ZNF804B: variants seen among roughly 807,000 people sequenced by gnomAD.
ZNF804B encodes the protein zinc finger protein 804B.
Under a neutral mutation model 101.4 loss-of-function variants are expected in ZNF804B, and 80 were observed. That is an observed-to-expected ratio of 0.79 (90% CI 0.66 to 0.95). ZNF804B has a LOEUF of 0.95. Among genes scored for constraint, ZNF804B ranks in the 40% least tolerant of loss-of-function variants. ZNF804B has a pLI of 0.00. For synonymous variants in ZNF804B, 622 were observed against 558.8 expected, an observed-to-expected ratio of 1.11 and a Z score of -1.59; for missense variants, 1,673 against 1,561.9, an observed-to-expected ratio of 1.07 and a Z score of -1.20.
chr7:89,170,867 G>T (rs1791213404), intron 1 of ZNF804B, among the ~76,000 whole-genome samples: 1 of 152,066 alleles, frequency 6.6e-6, no homozygotes, highest in South Asian at 2.1e-4. Context: ...TTCGCAGATG[G>T]GTTTCCTCTG....
At chr7:89,135,461 G>A (rs1249881357) in intron 1 of ZNF804B, among the ~76,000 whole-genome samples, 3 of 151,990 alleles carry the variant, frequency 2.0e-5, no homozygotes, top group African/African-American at 7.2e-5. Flanking sequence ...AAGATTTCAT[G>A]TGATTTATCA....
chr7:88,967,274 A>G (rs1793469553), intron 1 of ZNF804B, among the ~76,000 whole-genome samples: 1 of 151,532 alleles, frequency 6.6e-6, no homozygotes. Context: ...CAGAAAGGTG[A>G]AGGGAAGCAA....
chr7:89,131,914 A>G (rs1297212102), intron 1 of ZNF804B, among the ~76,000 whole-genome samples: 1 of 151,974 alleles, frequency 6.6e-6, no homozygotes, highest in Non-Finnish European at 1.5e-5. Flanking sequence ...TTAAAACCTA[A>G]TTGGATAATT....
chr7:88,933,117 C>T (rs1350077966), intron 1 of ZNF804B, among the ~76,000 whole-genome samples: 2 of 151,632 alleles, frequency 1.3e-5, no homozygotes, highest in African/African-American at 2.4e-5. Context: ...GGGTTTTATA[C>T]CAGGGATGCA....
chr7:89,192,696 CA>C (rs1285147033), intron 1 of ZNF804B, among the ~76,000 whole-genome samples: 1 of 151,700 alleles, frequency 6.6e-6, no homozygotes, highest in African/African-American at 2.4e-5. Flanking sequence ...AGGGACACAA[CA>C]AAAAAAGAAA....
intron 1 of ZNF804B, among the ~76,000 whole-genome samples, chr7:88,933,515 GAT>G (rs1355719504): frequency 1.3e-5 from 2 of 151,878 alleles, no homozygotes; most frequent in Admixed American, 1.3e-4. Flanking sequence ...AATCACCAAT[GAT>G]ATGATTGTAT....
At chr7:88,943,845 A>C (rs1434882034) in intron 1 of ZNF804B, among the ~76,000 whole-genome samples, 1 of 151,874 alleles carries the variant, frequency 6.6e-6, no homozygotes, top group Non-Finnish European at 1.5e-5. Context: ...TTTTCTTTTA[A>C]AAGAAAATTT....
At chr7:88,762,783 A>T (rs1429544196) in intron 1 of ZNF804B, among the ~76,000 whole-genome samples, 1 of 151,960 alleles carries the variant, frequency 6.6e-6, no homozygotes, top group Non-Finnish European at 1.5e-5. Context: ...CCACTCACTG[A>T]AACTCAGTTT....
chr7:88,939,222 A>C (rs1349473067), intron 1 of ZNF804B, among the ~76,000 whole-genome samples: 1 of 152,060 alleles, frequency 6.6e-6, no homozygotes, highest in Admixed American at 6.6e-5. Flanking sequence ...CTGTATTTGC[A>C]TATGACCTGT....
intron 1 of ZNF804B, among the ~76,000 whole-genome samples, chr7:89,043,294 T>C (rs1037384282): frequency 5.9e-5 from 9 of 152,242 alleles, no homozygotes; most frequent in African/African-American, 2.2e-4. Context: ...GTCGCATCAC[T>C]TAATCACAAA....
chr7:89,177,602 A>G (rs894051999), intron 1 of ZNF804B, among the ~76,000 whole-genome samples: 2 of 152,214 alleles, frequency 1.3e-5, no homozygotes, highest in East Asian at 1.9e-4. Flanking sequence ...GACATGTTAT[A>G]TAGACATCTA....
intron 1 of ZNF804B, among the ~76,000 whole-genome samples, chr7:88,890,278 A>G: frequency 6.6e-6 from 1 of 152,160 alleles, no homozygotes; most frequent in Admixed American, 6.6e-5. Context: ...AATTATTTGT[A>G]TGTATGATAT....
chr7:89,188,590 G>A (rs913896107), intron 1 of ZNF804B, among the ~76,000 whole-genome samples: 1 of 152,108 alleles, frequency 6.6e-6, no homozygotes, highest in African/African-American at 2.4e-5. Context: ...CAAACAGTTA[G>A]CAAAGTTCTG....
chr7:88,913,931 T>A (rs1261946571), intron 1 of ZNF804B, among the ~76,000 whole-genome samples: 2 of 152,190 alleles, frequency 1.3e-5, no homozygotes, highest in African/African-American at 4.8e-5. Flanking sequence ...TGGCAGGCTG[T>A]AAATAGAGCT....
intron 1 of ZNF804B, among the ~76,000 whole-genome samples, chr7:88,849,460 T>C (rs1287585906): frequency 3.3e-5 from 5 of 151,824 alleles, no homozygotes; most frequent in African/African-American, 1.2e-4. Context: ...TATGAATAAC[T>C]GATTAGTAAA....
At chr7:89,063,930 TA>T (rs1789413524) in intron 1 of ZNF804B, among the ~76,000 whole-genome samples, 1 of 152,150 alleles carries the variant, frequency 6.6e-6, no homozygotes, top group Admixed American at 6.6e-5. Context: ...TTCAAATTAG[TA>T]GTATTGTGTG....
chr7:88,826,065 G>A (rs1791047260), intron 1 of ZNF804B, among the ~76,000 whole-genome samples: 2 of 152,086 alleles, frequency 1.3e-5, no homozygotes, highest in African/African-American at 4.8e-5. Context: ...ATTGCTGAAA[G>A]GTTTAATGAT....
At chr7:89,141,743 T>G in intron 1 of ZNF804B, among the ~76,000 whole-genome samples, 1 of 151,950 alleles carries the variant, frequency 6.6e-6, no homozygotes, top group South Asian at 2.1e-4. Flanking sequence ...TTTCTCTTTT[T>G]AAGTAAAGAA....
At chr7:88,840,619 C>A (rs752742599) in intron 1 of ZNF804B, among the ~76,000 whole-genome samples, 4 of 152,010 alleles carry the variant, frequency 2.6e-5, no homozygotes, top group Non-Finnish European at 5.9e-5. Flanking sequence ...GGACATTAAC[C>A]ATTAAACCAT....
Sources: gnomAD v4.1 joint callset for allele counts (sites outside exome capture counted in the v4.1 genomes callset) on GRCh38, gnomAD v4.1.1 for gene constraint, MANE v1.5 for transcripts, NCBI Gene and HGNC (gene_info 2026-07-23, HGNC 2026-07-21) for gene names.